COMMD1: variants seen among roughly 807,000 people sequenced by gnomAD.
COMMD1 encodes copper metabolism domain containing 1.
COMMD1 carries 10 observed loss-of-function variants against 17.2 expected under a neutral mutation model. The observed-to-expected ratio is 0.58, with a 90% CI of 0.36 to 0.99. The LOEUF (loss-of-function observed/expected upper bound fraction) is 0.99. Ranked by LOEUF, COMMD1 falls within the 50% of genes least tolerant of loss-of-function variation. The pLI is 0.01. For missense variants in COMMD1, 270 were observed against 231.8 expected (o/e 1.17, Z -1.07); for synonymous variants, 97 against 91.6 (o/e 1.06, Z -0.34).
chr2:61,983,241 G>A (rs1051888313), intron 1 of COMMD1, among the ~76,000 whole-genome samples: 2 of 149,674 alleles, frequency 1.3e-5, no homozygotes, highest in Non-Finnish European at 3.0e-5. Context: ...CCAGGTTGGA[G>A]TGCAGTGGCG....
intron 2 of COMMD1, among the ~76,000 whole-genome samples, chr2:62,115,840 C>CT (rs1474723319): frequency 4.5e-4 from 52 of 115,324 alleles, no homozygotes; most frequent in Non-Finnish European, 7.7e-4. Context: ...TTTTTTCTTT[C>CT]TTTCTTTCTT....
At chr2:61,993,397 G>C (rs781053009) in intron 1 of COMMD1, among the ~76,000 whole-genome samples, 2 of 152,084 alleles carry the variant, frequency 1.3e-5, no homozygotes, top group African/African-American at 4.8e-5. Context: ...TTAACACTTT[G>C]TTGCCTGCCA....
chr2:62,076,794 A>G (rs1033954907), intron 2 of COMMD1, among the ~76,000 whole-genome samples: 2 of 152,156 alleles, frequency 1.3e-5, no homozygotes, highest in Non-Finnish European at 1.5e-5. Context: ...AGGAGAAAGC[A>G]GGGGCATATA....
At chr2:61,926,176 T>A (rs557938155) in intron 1 of COMMD1, among the ~76,000 whole-genome samples, 2 of 152,274 alleles carry the variant, frequency 1.3e-5, no homozygotes, top group South Asian at 2.1e-4. Context: ...TTTCACTGTG[T>A]TAGCCAGAAT....
At chr2:62,000,660 TATTTA>T (rs1268717094) in intron 1 of COMMD1, 36 bp from the exon 2 acceptor site, 15 of 1,580,644 alleles carry the variant, frequency 9.5e-6, no homozygotes, top group African/African-American at 5.4e-5. Context: ...TCTAATTACC[TATTTA>T]ATTCAAATTT....
At chr2:61,970,261 T>TC (rs1553373919) in intron 1 of COMMD1, among the ~76,000 whole-genome samples, 2 of 135,938 alleles carry the variant, frequency 1.5e-5, no homozygotes, top group Admixed American at 7.5e-5. Flanking sequence ...AAACTCCACC[T>TC]CAAAAAAAAA....
At position 62,095,805 on chromosome 2, in the gene COMMD1, T is replaced by G. The variant is rs1397354674; in HGVS notation, c.463-40026T>G. On this transcript the variant is annotated intron_variant, in intron 2 of 2. Transcript: ENST00000311832. ...TGTTGTGTAGTCAAGTTTCACAGCA[T>G]GCATATATATATATATGCATATCAG... Among the ~76,000 whole-genome samples the G allele has an allele frequency of 2.1e-4, 27 of 129,570 alleles. 1 individual carries two copies. The East Asian group carries it at 5.3e-3, about 25-fold the overall frequency. The allele number at this position is 129,570 out of a possible 152,430, so 85.0% of individuals were successfully genotyped here.
At chr2:61,907,616 A>G (rs1265972347) in intron 1 of COMMD1, among the ~76,000 whole-genome samples, 1 of 152,134 alleles carries the variant, frequency 6.6e-6, no homozygotes, top group East Asian at 1.9e-4. Flanking sequence ...TAGGTGGACG[A>G]CATTTTGATT....
At chr2:61,982,985 T>A (rs1043503032) in intron 1 of COMMD1, among the ~76,000 whole-genome samples, 1 of 152,174 alleles carries the variant, frequency 6.6e-6, no homozygotes, top group African/African-American at 2.4e-5. Flanking sequence ...GTTTCCTTTT[T>A]AAAAATTTTT....
chr2:62,085,682 A>T (rs915013528), intron 2 of COMMD1, among the ~76,000 whole-genome samples: 1 of 152,170 alleles, frequency 6.6e-6, no homozygotes, highest in Non-Finnish European at 1.5e-5. Flanking sequence ...TCTATAAAAA[A>T]TTTTTAAGAA....
intron 1 of COMMD1, among the ~76,000 whole-genome samples, chr2:61,960,092 A>G (rs1008412924): frequency 6.6e-6 from 1 of 151,572 alleles, no homozygotes; most frequent in African/African-American, 2.4e-5. Context: ...AGAGCAAGCT[A>G]GGACAGCTGA....
chr2:62,124,450 G>C (rs13012093), intron 2 of COMMD1, among the ~76,000 whole-genome samples: 54,148 of 152,136 alleles, frequency 0.36, 10,026 homozygotes, highest in African/African-American at 0.45. Flanking sequence ...AAAAGATGGA[G>C]CAACACAGGT....
At chr2:61,915,672 C>G (rs1020541278) in intron 1 of COMMD1, 1 of 452,604 alleles carries the variant, frequency 2.2e-6, no homozygotes, top group Non-Finnish European at 4.4e-6. Flanking sequence ...TTATTTTTAT[C>G]TTTTTTTAGA....
At chr2:61,951,702 C>T (rs956715267) in intron 1 of COMMD1, among the ~76,000 whole-genome samples, 11 of 152,232 alleles carry the variant, frequency 7.2e-5, no homozygotes, top group South Asian at 4.1e-4. Context: ...AATGTATCCA[C>T]GAAACTATCA....
intron 1 of COMMD1, among the ~76,000 whole-genome samples, chr2:61,954,029 C>T (rs1372483532): frequency 6.6e-6 from 1 of 151,866 alleles, no homozygotes; most frequent in Non-Finnish European, 1.5e-5. Flanking sequence ...ACCAGCCTGG[C>T]CAACATCGTG....
rs1355148019 is a variant in COMMD1, at chr2:62,041,222, CTTTAG to C, written c.462+40245_462+40249del. 4.6e-5 allele frequency among the ~76,000 whole-genome samples: 7 copies of C among 152,106 alleles called. No individual in the cohort carries two copies. The East Asian group carries it at 9.6e-4, about 21-fold the overall frequency. The stretch of plus-strand genomic sequence containing the variant: ...AGACTGGAACTTCTTTAATTCGTGG[CTTTAG>C]TTTATTTTAAATTAATCCATTTCTA... On this transcript the variant is annotated intron_variant, in intron 2 of 2. Coordinates refer to ENST00000311832, the MANE Select transcript of COMMD1 (RefSeq NM_152516.4).
chr2:61,968,483 G>T (rs1671562873), intron 1 of COMMD1, among the ~76,000 whole-genome samples: 1 of 151,858 alleles, frequency 6.6e-6, no homozygotes, highest in Non-Finnish European at 1.5e-5. Context: ...TTTACTGAAG[G>T]TGAAAAGAAA....
chr2:62,029,246 T>C (rs1181342042), intron 2 of COMMD1, among the ~76,000 whole-genome samples: 1 of 152,186 alleles, frequency 6.6e-6, no homozygotes, highest in Non-Finnish European at 1.5e-5. Context: ...TACCAATTGG[T>C]ATCAAATTAC....
intron 2 of COMMD1, among the ~76,000 whole-genome samples, chr2:62,095,580 A>G (rs2104008138): frequency 6.6e-6 from 1 of 152,054 alleles, no homozygotes; most frequent in African/African-American, 2.4e-5. Context: ...GTATGTCATC[A>G]ATAGCAATCT....
Sources: allele counts gnomAD v4.1 joint callset (sites outside exome capture counted in the v4.1 genomes callset), GRCh38; gene constraint gnomAD v4.1.1; transcripts MANE v1.5; gene names NCBI Gene and HGNC (gene_info 2026-07-23, HGNC 2026-07-21).